Variants in SLMAP observed in about 807,000 individuals in gnomAD.
The protein encoded by SLMAP is sarcolemmal membrane-associated protein.
In SLMAP, 44 loss-of-function variants were observed where a neutral mutation model predicts 128.8. The ratio of observed to expected loss-of-function variants is 0.34; its 90% CI spans 0.27 to 0.44. SLMAP has a LOEUF of 0.44. Among genes scored for constraint, SLMAP ranks in the 20% least tolerant of loss-of-function variants. The pLI is 1.00. For missense variants in SLMAP, 787 were observed against 985.3 expected (o/e 0.80, Z 2.69); for synonymous variants, 327 against 348.8 (o/e 0.94, Z 0.70).
At chr3:57,771,601 A>G (rs986527847) in intron 2 of SLMAP, among the ~76,000 whole-genome samples, 10 of 151,968 alleles carry the variant, frequency 6.6e-5, no homozygotes, top group African/African-American at 2.4e-4. Flanking sequence ...GTCACAGCTA[A>G]TTGTAACCTT....
chr3:57,858,021 CT>C, intron 7 of SLMAP, 66 bp from the exon 8 acceptor site: 20 of 1,117,810 alleles, frequency 1.8e-5, no homozygotes, highest in Admixed American at 3.8e-5. Context: ...CAGTAGCAAC[CT>C]TTTTTTATAT....
At chr3:57,775,128 C>T (rs1339020633) in intron 2 of SLMAP, among the ~76,000 whole-genome samples, 1 of 151,594 alleles carries the variant, frequency 6.6e-6, no homozygotes, top group Admixed American at 6.6e-5. Context: ...GATCTCGGCT[C>T]ACTGCAAGCT....
chr3:57,904,064 A>T (rs546385446), intron 17 of SLMAP, among the ~76,000 whole-genome samples: 3 of 152,336 alleles, frequency 2.0e-5, no homozygotes, highest in African/African-American at 7.2e-5. Flanking sequence ...TTGATTTTTT[A>T]AAAAATGGCA....
chr3:57,776,521 TC>T (rs869122067), intron 2 of SLMAP, among the ~76,000 whole-genome samples: 275 of 105,084 alleles, frequency 2.6e-3, no homozygotes, highest in Non-Finnish European at 4.7e-3. Context: ...TCTCTCTCTC[TC>T]TTTTTTTTTT....
intron 2 of SLMAP, among the ~76,000 whole-genome samples, chr3:57,817,703 T>C (rs1341673240): frequency 6.6e-6 from 1 of 152,218 alleles, no homozygotes; most frequent in Non-Finnish European, 1.5e-5. Context: ...TGAGGTAGTG[T>C]ATGTAAAGTA....
At chr3:57,856,994 A>G (rs1244433174) in intron 6 of SLMAP, among the ~76,000 whole-genome samples, 1 of 152,090 alleles carries the variant, frequency 6.6e-6, no homozygotes, top group Non-Finnish European at 1.5e-5. Context: ...TTTGTGGTGC[A>G]TGACTGTGTA....
intron 23 of SLMAP, among the ~76,000 whole-genome samples, chr3:57,923,251 C>G (rs963523094): frequency 6.6e-6 from 1 of 152,162 alleles, no homozygotes; most frequent in Non-Finnish European, 1.5e-5. Context: ...GGAGGAAGAG[C>G]CTTGTTTGCA....
At chr3:57,789,366 G>T (rs2084943912) in intron 2 of SLMAP, among the ~76,000 whole-genome samples, 1 of 152,054 alleles carries the variant, frequency 6.6e-6, no homozygotes, top group Non-Finnish European at 1.5e-5. Flanking sequence ...AGGGTAAGTG[G>T]TTGGAAAATT....
intron 2 of SLMAP, among the ~76,000 whole-genome samples, chr3:57,792,516 T>C (rs1431163819): frequency 6.6e-6 from 1 of 152,158 alleles, no homozygotes; most frequent in African/African-American, 2.4e-5. Context: ...TATTTTCTCT[T>C]TAGATCTCCT....
intron 18 of SLMAP, among the ~76,000 whole-genome samples, chr3:57,908,865 T>C (rs2096627198): frequency 1.3e-5 from 2 of 152,240 alleles, no homozygotes; most frequent in Admixed American, 6.5e-5. Flanking sequence ...AAAACTCCAC[T>C]ACTCAGTTGA....
At position 57,771,570 on chromosome 3, in the gene SLMAP, C is replaced by G. The variant is rs140207140; in HGVS notation, c.198+13721C>G. Reference sequence around the variant, plus strand: ...TTTTAGACAGGGTCTTGTTCTGTTGCCCAGGCTGGAATACGGTGCAGTCAC... The same window carrying G: ...TTTTAGACAGGGTCTTGTTCTGTTGGCCAGGCTGGAATACGGTGCAGTCAC... On this transcript the variant is annotated intron_variant, in intron 2 of 24. Transcript: ENST00000671191. Among the ~76,000 whole-genome samples the G allele has an allele frequency of 3.4e-4, 51 of 152,086 alleles. No homozygotes were observed. In the East Asian group the frequency reaches 5.4e-3, roughly 16 times the overall value.
intron 14 of SLMAP, among the ~76,000 whole-genome samples, chr3:57,888,725 G>A (rs2095976435): frequency 6.6e-6 from 1 of 151,748 alleles, no homozygotes; most frequent in Non-Finnish European, 1.5e-5. Context: ...TATCTAAAAT[G>A]GAAAAATAAA....
In SLMAP at chr3:57,929,562, A is replaced by G. The variant is rs2097050067; in HGVS notation, c.*2273A>G. On this transcript the variant is annotated 3_prime_UTR_variant, in exon 25 of 25. Coordinates refer to ENST00000671191, the MANE Select transcript of SLMAP (RefSeq NM_001377540.1). ...TGTTCAGTTCACTTCCACGTTAAAT[A>G]AAGAATAGGATTATTCACTGGTAAT... Among the ~76,000 whole-genome samples the G allele has an allele frequency of 6.6e-6, 1 of 152,266 alleles. No individual in the cohort carries two copies. Among genetic ancestry groups the G allele is most frequent in the African/African-American group, 2.4e-5 (1 of 41,478 alleles).
At chr3:57,784,588 C>G (rs116386420) in intron 2 of SLMAP, among the ~76,000 whole-genome samples, 1,925 of 152,150 alleles carry the variant, frequency 0.013, 27 homozygotes, top group African/African-American at 0.044. Context: ...TTGAGTCTCA[C>G]CTATATCTGA....
intron 2 of SLMAP, among the ~76,000 whole-genome samples, chr3:57,761,180 G>T (rs2078564124): frequency 6.6e-6 from 1 of 152,128 alleles, no homozygotes. Context: ...GGGGAAGAGG[G>T]AACTATTTAG....
chr3:57,767,117 C>T (rs901407978), intron 2 of SLMAP, among the ~76,000 whole-genome samples: 1 of 152,008 alleles, frequency 6.6e-6, no homozygotes. Flanking sequence ...TGGGATTTCA[C>T]CATGTTGCCC....
chr3:57,920,405 T>G (rs752969979), intron 22 of SLMAP, among the ~76,000 whole-genome samples: 3 of 152,230 alleles, frequency 2.0e-5, no homozygotes, highest in Non-Finnish European at 4.4e-5. Flanking sequence ...TCTGGTGACC[T>G]CTGTGTTGAC....
intron 5 of SLMAP, among the ~76,000 whole-genome samples, chr3:57,848,082 C>CT (rs940181241): frequency 1.3e-5 from 2 of 152,188 alleles, no homozygotes; most frequent in African/African-American, 4.8e-5. Flanking sequence ...TTAATAAGGA[C>CT]TGGTGCTATA....
intron 14 of SLMAP, among the ~76,000 whole-genome samples, chr3:57,883,632 A>T (rs2095803801): frequency 6.6e-6 from 1 of 152,200 alleles, no homozygotes; most frequent in Non-Finnish European, 1.5e-5. Flanking sequence ...TATAAAAAGC[A>T]TAAGTCACAA....
Sources: allele counts gnomAD v4.1 joint callset (sites outside exome capture counted in the v4.1 genomes callset), GRCh38; gene constraint gnomAD v4.1.1; transcripts MANE v1.5; gene names NCBI Gene and HGNC (gene_info 2026-07-23, HGNC 2026-07-21).